CBFA2T2: variants seen among roughly 807,000 people sequenced by gnomAD.
CBFA2T2 encodes protein CBFA2T2.
A neutral mutation model predicts 62.2 loss-of-function variants in CBFA2T2; 11 were observed. The observed-to-expected ratio is 0.18, with a 90% CI of 0.11 to 0.29. The LOEUF (loss-of-function observed/expected upper bound fraction) is 0.29. Among genes scored for constraint, CBFA2T2 ranks in the 10% least tolerant of loss-of-function variants. CBFA2T2 has a pLI of 1.00. For missense variants in CBFA2T2, 592 were observed against 774.1 expected (o/e 0.76, Z 2.79); for synonymous variants, 295 against 287.5 (o/e 1.03, Z -0.27).
chr20:33,516,074 G>A (rs567237112), intron 1 of CBFA2T2, among the ~76,000 whole-genome samples: 20 of 151,698 alleles, frequency 1.3e-4, no homozygotes, highest in African/African-American at 4.4e-4. Context: ...GGTTGAGGCT[G>A]GAGTGACCTG....
chr20:33,575,817 G>A (rs1303433958), intron 1 of CBFA2T2, among the ~76,000 whole-genome samples: 5 of 151,934 alleles, frequency 3.3e-5, no homozygotes, highest in Non-Finnish European at 7.4e-5. Flanking sequence ...TCAGTCTGTC[G>A]CCCAGGCTGG....
intron 1 of CBFA2T2, among the ~76,000 whole-genome samples, chr20:33,504,366 A>G (rs1019671217): frequency 6.8e-5 from 10 of 147,428 alleles, no homozygotes; most frequent in South Asian, 2.1e-4. Context: ...ATACCTAGGC[A>G]TGGGATTGCT....
chr20:33,505,668 C>T (rs552057115), intron 1 of CBFA2T2, among the ~76,000 whole-genome samples: 100 of 152,178 alleles, frequency 6.6e-4, no homozygotes, highest in African/African-American at 2.0e-3. Flanking sequence ...GTAATCCCAG[C>T]TGCTCAGGAG....
intron 1 of CBFA2T2, among the ~76,000 whole-genome samples, chr20:33,557,004 CTTTTTTTTTTTTTTTTTT>C (rs751836572): frequency 2.2e-5 from 1 of 46,200 alleles, no homozygotes; most frequent in East Asian, 7.6e-4. Flanking sequence ...GCATGCTTAT[CTTTTTTTTTTTTTTTTTT>C]TTTTTTTTTT....
intron 1 of CBFA2T2, among the ~76,000 whole-genome samples, chr20:33,564,233 T>C (rs1170388386): frequency 6.6e-6 from 1 of 151,966 alleles, no homozygotes. Flanking sequence ...GTCAGATTTC[T>C]TGAGGTGGAG....
rs1460371653 is a variant in CBFA2T2 at position 33,636,689 on chromosome 20, G to A, written c.1278G>A (p.Val426=). ...NSRPGTGYVP[V]EFWKKTEEAV... is the part of the protein sequence containing the mutation. ...GGCCAGGTACAGGATACGTACCTGTGGAGTTTTGGAAAAAAACAGGTATGT... is the reference window on the plus strand; with the variant it reads ...GGCCAGGTACAGGATACGTACCTGTAGAGTTTTGGAAAAAAACAGGTATGT... Residue 426 remains valine (V), a synonymous_variant, in exon 9 of 11, where the codon GTG becomes GTA. Coordinates refer to ENST00000342704, the MANE Select transcript of CBFA2T2 (RefSeq NM_001032999.3). 4.3e-6 allele frequency: 7 copies of A among 1,613,144 alleles called. No homozygotes were observed. Among genetic ancestry groups the A allele is most frequent in the Non-Finnish European group, 5.9e-6 (7 of 1,179,328 alleles).
At chr20:33,643,299 G>C (rs1229878892) in intron 10 of CBFA2T2, among the ~76,000 whole-genome samples, 1 of 152,178 alleles carries the variant, frequency 6.6e-6, no homozygotes, top group Non-Finnish European at 1.5e-5. Flanking sequence ...TTAGGGAACA[G>C]GCACAGTGGC....
In CBFA2T2 at chr20:33,644,932, C is replaced by G; in HGVS notation, c.*286C>G. 1 of 414,752 alleles carries G rather than the reference C, an allele frequency of 2.4e-6. No individual in the cohort carries two copies. Among genetic ancestry groups the G allele is most frequent in the Non-Finnish European group, 4.3e-6 (1 of 229,984 alleles). 25.7% of individuals were successfully genotyped at this position (414,752 alleles called of 1,614,324 possible). ...CCACTGAAGCTGACTTAGCCGGCCC[C>G]TTTTCAGTGTAGACCACCAGCTCCC... is the stretch of plus-strand genomic sequence containing the variant. On this transcript the variant is annotated 3_prime_UTR_variant, in exon 11 of 11. Transcript: ENST00000342704.
chr20:33,529,675 A>C (rs1014652218), intron 1 of CBFA2T2, among the ~76,000 whole-genome samples: 22 of 150,964 alleles, frequency 1.5e-4, no homozygotes, highest in Non-Finnish European at 2.5e-4. Flanking sequence ...TGTCTTTAAA[A>C]AAACAAACAA....
intron 1 of CBFA2T2, among the ~76,000 whole-genome samples, chr20:33,559,172 CTTTTTTTTT>C (rs376048540): frequency 9.1e-5 from 8 of 87,628 alleles, no homozygotes; most frequent in African/African-American, 3.7e-4. Context: ...TTTTTCCTTT[CTTTTTTTTT>C]TTTTTTTTTT....
chr20:33,629,587 A>T (rs2016375628), intron 7 of CBFA2T2, 132 bp from the exon 8 acceptor site: 2 of 833,436 alleles, frequency 2.4e-6, no homozygotes, highest in East Asian at 5.0e-5. Context: ...TAAAGGTTTT[A>T]AATGTAAACT....
intron 1 of CBFA2T2, among the ~76,000 whole-genome samples, chr20:33,560,460 T>G (rs1411954667): frequency 6.6e-6 from 1 of 152,224 alleles, no homozygotes; most frequent in Non-Finnish European, 1.5e-5. Context: ...ATAGGCCCTT[T>G]AACATAGGAC....
intron 1 of CBFA2T2, among the ~76,000 whole-genome samples, chr20:33,526,789 C>T (rs1408130196): frequency 2.6e-5 from 4 of 152,142 alleles, no homozygotes; most frequent in African/African-American, 7.2e-5. Context: ...GCTATATTTC[C>T]ATGTGTTCTA....
At chr20:33,580,880 G>A (rs1293210823) in intron 1 of CBFA2T2, among the ~76,000 whole-genome samples, 1 of 152,066 alleles carries the variant, frequency 6.6e-6, no homozygotes, top group Non-Finnish European at 1.5e-5. Flanking sequence ...TTTTAAAAAG[G>A]CAGACTCCAT....
intron 1 of CBFA2T2, among the ~76,000 whole-genome samples, chr20:33,496,262 A>G (rs1358268460): frequency 6.6e-6 from 1 of 152,150 alleles, no homozygotes; most frequent in Non-Finnish European, 1.5e-5. Flanking sequence ...CCTACAGGGA[A>G]CCTGATTGAA....
chr20:33,497,274 CAAAA>C (rs34528525), intron 1 of CBFA2T2, among the ~76,000 whole-genome samples: 3 of 58,080 alleles, frequency 5.2e-5, no homozygotes, highest in African/African-American at 6.7e-5. Flanking sequence ...ACCCTGTCTC[CAAAA>C]AAAAAAAAAA....
intron 1 of CBFA2T2, among the ~76,000 whole-genome samples, chr20:33,507,328 G>C (rs2011420344): frequency 6.6e-6 from 1 of 152,166 alleles, no homozygotes; most frequent in South Asian, 2.1e-4. Context: ...ATGCTAAGCA[G>C]TGTTAATGGC....
chr20:33,604,037 C>T (rs1006088883), intron 1 of CBFA2T2, among the ~76,000 whole-genome samples: 2 of 152,190 alleles, frequency 1.3e-5, no homozygotes, highest in African/African-American at 4.8e-5. Flanking sequence ...TCATGCCACC[C>T]AGCTTCCATC....
chr20:33,508,745 T>A (rs1398990863), intron 1 of CBFA2T2, among the ~76,000 whole-genome samples: 1 of 152,230 alleles, frequency 6.6e-6, no homozygotes, highest in African/African-American at 2.4e-5. Context: ...ATGTCCCTGC[T>A]GCAAAGGACA....
Sources: allele counts gnomAD v4.1 joint callset (sites outside exome capture counted in the v4.1 genomes callset), GRCh38; gene constraint gnomAD v4.1.1; transcripts MANE v1.5; gene names NCBI Gene and HGNC (gene_info 2026-07-23, HGNC 2026-07-21).